CEP120: variants seen among roughly 807,000 people sequenced by gnomAD.
The protein encoded by CEP120 is centrosomal protein 120, also known as centrosomal protein of 120 kDa.
CEP120 carries 113 observed loss-of-function variants against 126.5 expected under a neutral mutation model. The observed-to-expected ratio is 0.89, with a 90% confidence interval of 0.77 to 1.04. The LOEUF (loss-of-function observed/expected upper bound fraction) is 1.04. Ranked by LOEUF, CEP120 falls within the 50% of genes least tolerant of loss-of-function variation. The pLI, the probability that CEP120 is intolerant of heterozygous loss-of-function variation, is 0.00. For missense variants in CEP120, 1,230 were observed against 1,155.7 expected, an observed-to-expected ratio of 1.06 and a Z score of -0.93; for synonymous variants, 400 against 394.3, an observed-to-expected ratio of 1.01 and a Z score of -0.17.
chr5:123,389,659 C>T (rs2127067400), intron 8 of CEP120, among the ~76,000 whole-genome samples: 1 of 152,206 alleles, frequency 6.6e-6, no homozygotes, highest in Admixed American at 6.5e-5. Flanking sequence ...CACCACCACG[C>T]CTGGCTAATT....
At chr5:123,352,485 T>A (rs1479875207) in intron 18 of CEP120, among the ~76,000 whole-genome samples, 1 of 152,062 alleles carries the variant, frequency 6.6e-6, no homozygotes, top group Non-Finnish European at 1.5e-5. Context: ...TTGGCAGTTA[T>A]CACCTGTCAC....
Position 123,389,974 on chromosome 5 carries a change from C to T in CEP120, c.1205G>A (p.Ser402Asn). ...SPPTKDDATESEVESLQYDKD... is the reference protein window; with the variant it reads ...SPPTKDDATENEVESLQYDKD... ...ATCATACTGTAAACTTTCCACTTCA[C>T]TTTCTGTTGCATCATCTTTTGTTGG... The change falls in exon 8 of 20, where the codon AGT (serine) becomes AAT (asparagine). Residue 402 changes from serine to asparagine, a missense_variant. Coordinates refer to ENST00000306467, the MANE Select transcript of CEP120 (RefSeq NM_001375405.1). 6.2e-7 allele frequency: 1 copy of T among 1,614,162 alleles called. No individual in the cohort carries two copies. Among genetic ancestry groups the T allele is most frequent in the Admixed American group, 1.7e-5 (1 of 60,030 alleles).
At chr5:123,355,266 A>G (rs1405398978) in intron 18 of CEP120, among the ~76,000 whole-genome samples, 2 of 152,170 alleles carry the variant, frequency 1.3e-5, no homozygotes, top group African/African-American at 4.8e-5. Flanking sequence ...ATGTCTTTAT[A>G]GCAGCATGAT....
rs192155296 is a variant in CEP120 at position 123,392,654 on chromosome 5, G to A, written c.810+646C>T. Among the ~76,000 whole-genome samples, 48 of 152,158 alleles carry A rather than the reference G, an allele frequency of 3.2e-4. No individual in the cohort carries two copies. The East Asian group carries it at 8.7e-3, about 28-fold the overall frequency. On this transcript the variant is annotated intron_variant, in intron 6 of 19. Transcript: ENST00000306467. The stretch of plus-strand genomic sequence containing the variant: ...CCCTCCCGAGTAGTTAAGATTACAG[G>A]CACACACCACTATGTCTAAGTAATT...
intron 1 of CEP120, 116 bp downstream of exon 1, chr5:123,422,834 G>A: frequency 2.0e-6 from 2 of 987,852 alleles, no homozygotes; most frequent in Non-Finnish European, 3.2e-6. Flanking sequence ...ACAAGTCTGT[G>A]GGGACCACAA....
intron 1 of CEP120, among the ~76,000 whole-genome samples, chr5:123,421,709 T>C (rs556961931): frequency 6.6e-6 from 1 of 151,872 alleles, no homozygotes; most frequent in Admixed American, 6.6e-5. Flanking sequence ...TCTACATCCT[T>C]GGAGGGAATG....
At chr5:123,350,873 A>C (rs1409751945) in intron 18 of CEP120, among the ~76,000 whole-genome samples, 1 of 152,218 alleles carries the variant, frequency 6.6e-6, no homozygotes, top group Non-Finnish European at 1.5e-5. Flanking sequence ...TGGATATTCC[A>C]TGACTTATTC....
Position 123,401,858 on chromosome 5 carries a change from C to T in CEP120, c.464-2574G>A, listed in dbSNP as rs924034269. On this transcript the variant is annotated intron_variant, in intron 4 of 19. Coordinates refer to ENST00000306467, the MANE Select transcript of CEP120 (RefSeq NM_001375405.1). ...GCCCCTACATGTTGCCAAGCTCCGC[C>T]TCCAGCTTCAGTTTCTCCTAGCCCA... 2.6e-6 allele frequency: 4 copies of T among 1,540,572 alleles called. No homozygotes were observed. In the East Asian group the frequency reaches 6.7e-5, roughly 26 times the overall value.
rs191361688 is a variant in CEP120, at chr5:123,390,994, T to A, written c.1038+116A>T. On this transcript the variant is annotated intron_variant, in intron 7 of 19. Transcript: ENST00000306467. ...GGAGGTATCATATAACAAAGGTCAC[T>A]AATTAAGATTAATAAATATATCCTT... 990 of 717,518 alleles carry A rather than the reference T, an allele frequency of 1.4e-3. 5 individuals carry two copies. Among genetic ancestry groups the A allele is most frequent in the Non-Finnish European group, 9.7e-4 (418 of 432,322 alleles). 44.4% of individuals were successfully genotyped at this position (717,518 alleles called of 1,614,324 possible). A position where few individuals can be genotyped will look rare whatever the true frequency, so the allele number is the denominator to read the frequency against.
chr5:123,414,031 G>C (rs1170754325), intron 3 of CEP120, among the ~76,000 whole-genome samples: 1 of 152,116 alleles, frequency 6.6e-6, no homozygotes, highest in Non-Finnish European at 1.5e-5. Flanking sequence ...AAGCAATACA[G>C]CATTTAGTTT....
rs1283442180 is a variant in CEP120 at position 123,393,472 on chromosome 5, G to A, written c.638C>T (p.Pro213Leu). Residue 213 changes from proline to leucine, a missense_variant, in exon 6 of 20, where the codon CCA (proline) becomes CTA (leucine). Pro to Leu is a moderately conservative substitution (Grantham distance 98). Coordinates refer to ENST00000306467, the MANE Select transcript of CEP120 (RefSeq NM_001375405.1). ...AAAGAAAAACTCAGGCTGTCTTTCT[G>A]GAAGTTTCATGGTACATGGAATTAA... ...EQLIPCTMKL[P>L]ERQPEFFFYY... 1.2e-6 allele frequency: 2 copies of A among 1,613,870 alleles called. No homozygotes were observed. Among genetic ancestry groups the A allele is most frequent in the South Asian group, 2.2e-5 (2 of 91,066 alleles).
intron 5 of CEP120, among the ~76,000 whole-genome samples, chr5:123,398,737 G>A (rs910913267): frequency 3.9e-5 from 6 of 152,156 alleles, no homozygotes; most frequent in African/African-American, 1.4e-4. Flanking sequence ...TTATAAACAA[G>A]ATAAAATAGA....
intron 4 of CEP120, among the ~76,000 whole-genome samples, chr5:123,405,311 G>A (rs1434178130): frequency 5.3e-5 from 8 of 152,284 alleles, no homozygotes; most frequent in South Asian, 2.1e-4. Context: ...CCACACTTTC[G>A]TGACTTTTAC....
At chr5:123,371,057 G>T (rs934226612) in intron 17 of CEP120, among the ~76,000 whole-genome samples, 1 of 151,838 alleles carries the variant, frequency 6.6e-6, no homozygotes, top group African/African-American at 2.4e-5. Flanking sequence ...CCCCCATATG[G>T]CCAAAAATTA....
At chr5:123,373,902 T>A (rs920773704) in intron 16 of CEP120, among the ~76,000 whole-genome samples, 1 of 152,038 alleles carries the variant, frequency 6.6e-6, no homozygotes, top group Non-Finnish European at 1.5e-5. Flanking sequence ...AGTTACAACC[T>A]GGATCTCAAT....
At chr5:123,409,552 G>A (rs867554117) in intron 4 of CEP120, among the ~76,000 whole-genome samples, 8 of 152,136 alleles carry the variant, frequency 5.3e-5, no homozygotes, top group African/African-American at 1.9e-4. Flanking sequence ...TAATGCAAAA[G>A]AAAAGGAAAT....
chr5:123,375,020 TG>T (rs1301835070), intron 16 of CEP120, among the ~76,000 whole-genome samples: 1 of 152,142 alleles, frequency 6.6e-6, no homozygotes, highest in African/African-American at 2.4e-5. Context: ...ACAGTGTAAC[TG>T]TCCCTTCTAC....
At chr5:123,358,305 T>G (rs1011894749) in intron 18 of CEP120, 12 of 152,114 alleles carry the variant, frequency 7.9e-5, no homozygotes, top group Admixed American at 2.0e-4. Context: ...TTCCAAAGCA[T>G]TCATCATAAT....
intron 5 of CEP120, among the ~76,000 whole-genome samples, chr5:123,395,989 CTTTTTTT>C (rs67492630): frequency 1.5e-5 from 2 of 129,996 alleles, no homozygotes; most frequent in Non-Finnish European, 3.2e-5. Flanking sequence ...GTCTCCATTC[CTTTTTTT>C]TTTTTTTTTT....
Sources: gnomAD v4.1 joint callset for allele counts (sites outside exome capture counted in the v4.1 genomes callset) on GRCh38, gnomAD v4.1.1 for gene constraint, MANE v1.5 for transcripts, NCBI Gene and HGNC (gene_info 2026-07-23, HGNC 2026-07-21) for gene names.